The following PTPRD variants were observed in gnomAD, a reference collection of about 807,000 sequenced individuals.
PTPRD encodes the protein receptor-type tyrosine-protein phosphatase delta.
Under a neutral mutation model 214.5 loss-of-function variants are expected in PTPRD, and 34 were observed. The ratio of observed to expected loss-of-function variants is 0.16; its 90% CI spans 0.12 to 0.21. The LOEUF is 0.21. PTPRD is among the 10% of genes least tolerant of loss of function. The pLI, the probability that PTPRD is intolerant of heterozygous loss-of-function variation, is 1.00. For missense variants in PTPRD, 2,545 were observed against 2,398.7 expected (o/e 1.06, Z -1.27); for synonymous variants, 1,128 against 845.7 (o/e 1.33, Z -5.79).
chr9:10,304,619 T>G (rs960513375), intron 3 of PTPRD, among the ~76,000 whole-genome samples: 7 of 150,784 alleles, frequency 4.6e-5, no homozygotes, highest in Non-Finnish European at 7.4e-5. Flanking sequence ...ATACAAATAA[T>G]AGACAGAGAT....
chr9:8,595,148 C>T (rs113584788), intron 14 of PTPRD, among the ~76,000 whole-genome samples: 3 of 150,852 alleles, frequency 2.0e-5, no homozygotes, highest in African/African-American at 7.3e-5. Flanking sequence ...CAGGTGTGAG[C>T]CACCACACCC....
chr9:8,895,658 C>A (rs2098603299), intron 11 of PTPRD, among the ~76,000 whole-genome samples: 1 of 152,066 alleles, frequency 6.6e-6, no homozygotes, highest in African/African-American at 2.4e-5. Flanking sequence ...TCAGATAATC[C>A]CAGGTTTTTA....
intron 11 of PTPRD, among the ~76,000 whole-genome samples, chr9:8,951,006 G>A (rs976639282): frequency 6.6e-6 from 1 of 152,038 alleles, no homozygotes; most frequent in Admixed American, 6.6e-5. Flanking sequence ...AGCTGGAAGA[G>A]TTCATTATTT....
Position 8,537,001 on chromosome 9 carries a change from G to C in PTPRD, c.353-8222C>G, listed in dbSNP as rs533394643. On this transcript the variant is annotated intron_variant, in intron 14 of 45. Coordinates refer to ENST00000381196, the MANE Select transcript of PTPRD (RefSeq NM_002839.4). ...ACCACCATTTTCTTTCCAGAATACAGTCCTTGAAGAAGAGGAAAAAACATT... is the reference window on the plus strand; with the variant it reads ...ACCACCATTTTCTTTCCAGAATACACTCCTTGAAGAAGAGGAAAAAACATT... Among the ~76,000 whole-genome samples the C allele has an allele frequency of 4.6e-5, 7 of 152,076 alleles. No individual in the cohort carries two copies. In the South Asian group the frequency reaches 1.5e-3, roughly 32 times the overall value.
intron 3 of PTPRD, among the ~76,000 whole-genome samples, chr9:10,297,418 A>G (rs1020919106): frequency 6.6e-6 from 1 of 151,916 alleles, no homozygotes; most frequent in African/African-American, 2.4e-5. Flanking sequence ...CACTTGCCTC[A>G]TGATTCTAAG....
chr9:9,909,778 G>GTT (rs113536313), intron 5 of PTPRD, among the ~76,000 whole-genome samples: 36,978 of 150,070 alleles, frequency 0.25, 4,819 homozygotes, highest in East Asian at 0.38. Context: ...TGGATTGAAT[G>GTT]TTTTTTTTTG....
chr9:9,973,301 CAAAAAAAA>C (rs747369676), intron 4 of PTPRD, among the ~76,000 whole-genome samples: 21 of 74,210 alleles, frequency 2.8e-4, no homozygotes, highest in African/African-American at 6.1e-4. Context: ...CCTTGTCTTT[CAAAAAAAA>C]AAAAAAAAAA....
At chr9:10,326,929 C>G (rs2096653413) in intron 3 of PTPRD, among the ~76,000 whole-genome samples, 1 of 151,240 alleles carries the variant, frequency 6.6e-6, no homozygotes, top group Non-Finnish European at 1.5e-5. Flanking sequence ...TACAATAGAA[C>G]TATGAGAACA....
At chr9:9,965,473 T>C (rs1439613791) in intron 4 of PTPRD, among the ~76,000 whole-genome samples, 1 of 152,124 alleles carries the variant, frequency 6.6e-6, no homozygotes, top group Non-Finnish European at 1.5e-5. Context: ...CAGGAGATAA[T>C]GTTAGACAAT....
At chr9:9,827,881 C>A (rs1373609407) in intron 5 of PTPRD, among the ~76,000 whole-genome samples, 1 of 152,136 alleles carries the variant, frequency 6.6e-6, no homozygotes, top group Admixed American at 6.6e-5. Flanking sequence ...GACAATTATG[C>A]AGCCAAAAGA....
At chr9:10,601,551 TG>T (rs1165975889) in intron 2 of PTPRD, among the ~76,000 whole-genome samples, 2 of 151,814 alleles carry the variant, frequency 1.3e-5, no homozygotes, top group Non-Finnish European at 2.9e-5. Flanking sequence ...CAAATTATAT[TG>T]CATATAATGA....
chr9:9,373,157 G>A (rs918254010), intron 9 of PTPRD, among the ~76,000 whole-genome samples: 5 of 151,946 alleles, frequency 3.3e-5, no homozygotes, highest in African/African-American at 1.2e-4. Flanking sequence ...ATAGTACAAA[G>A]GTTAAAGACA....
intron 2 of PTPRD, among the ~76,000 whole-genome samples, chr9:10,446,593 C>A (rs1367175118): frequency 6.6e-6 from 1 of 151,618 alleles, no homozygotes; most frequent in African/African-American, 2.4e-5. Flanking sequence ...AACTGAGGAG[C>A]AAGATATCAT....
At chr9:8,651,071 G>C (rs751649586) in intron 12 of PTPRD, among the ~76,000 whole-genome samples, 1 of 151,826 alleles carries the variant, frequency 6.6e-6, no homozygotes, top group Non-Finnish European at 1.5e-5. Flanking sequence ...AAACCAAACG[G>C]TATTTATTTT....
At chr9:9,345,373 C>G (rs1043575050) in intron 9 of PTPRD, among the ~76,000 whole-genome samples, 2 of 151,850 alleles carry the variant, frequency 1.3e-5, no homozygotes, top group East Asian at 1.9e-4. Flanking sequence ...TTTTTTTGAT[C>G]AGTATGAGAC....
intron 4 of PTPRD, among the ~76,000 whole-genome samples, chr9:9,978,302 A>G (rs913548282): frequency 1.3e-5 from 2 of 152,176 alleles, no homozygotes; most frequent in East Asian, 1.9e-4. Flanking sequence ...AATCTAGTAA[A>G]AAAGGTGGAG....
In PTPRD at chr9:10,244,839, TC is replaced by T. The variant is rs113086661; in HGVS notation, c.-545+96123del. On this transcript the variant is annotated intron_variant, in intron 3 of 45. Transcript: ENST00000381196. ...GCTCTACTTTTAAAGCATGCTGTTT[TC>T]TAGCTGCTTCTATATTGACTTTTCT... Among the ~76,000 whole-genome samples the T allele has an allele frequency of 8.0e-3, 1,225 of 152,260 alleles. 17 individuals are homozygous for T. Among genetic ancestry groups the T allele is most frequent in the African/African-American group, 0.027 (1,142 of 41,562 alleles).
rs78858971 is a variant in PTPRD, at chr9:8,526,959, T to TAA, written c.551-317_551-316dup. On this transcript the variant is annotated intron_variant, in intron 16 of 45. Coordinates refer to ENST00000381196, the MANE Select transcript of PTPRD (RefSeq NM_002839.4). ...TATATCTTATATGCCTCATATCTCTTAAAAAAAAACTATACAATATTTTTA... is the reference window on the plus strand; with the variant it reads ...TATATCTTATATGCCTCATATCTCTTAAAAAAAAAAACTATACAATATTTTTA... 2.9e-4 allele frequency among the ~76,000 whole-genome samples: 44 copies of TAA among 150,736 alleles called. No individual in the cohort carries two copies. The East Asian group carries it at 6.1e-3, about 21-fold the overall frequency.
At chr9:8,599,950 A>G (rs1478340885) in intron 14 of PTPRD, among the ~76,000 whole-genome samples, 2 of 152,086 alleles carry the variant, frequency 1.3e-5, no homozygotes, top group Admixed American at 1.3e-4. Context: ...CCAAAAATCA[A>G]GTGAGCACTC....
Sources: gnomAD v4.1 joint callset for allele counts (sites outside exome capture counted in the v4.1 genomes callset) on GRCh38, gnomAD v4.1.1 for gene constraint, MANE v1.5 for transcripts, NCBI Gene and HGNC (gene_info 2026-07-23, HGNC 2026-07-21) for gene names.